SSBP2: variants seen among roughly 807,000 people sequenced by gnomAD.
The protein encoded by SSBP2 is single-stranded DNA-binding protein 2.
In SSBP2, 17 loss-of-function variants were observed where a neutral mutation model predicts 61.8. The observed-to-expected ratio is 0.28, with a 90% confidence interval of 0.19 to 0.41. The LOEUF (loss-of-function observed/expected upper bound fraction) is 0.41, where lower values mean the gene tolerates loss of function less well. Among genes scored for constraint, SSBP2 ranks in the 10% least tolerant of loss-of-function variants. SSBP2 has a pLI of 1.00. For synonymous variants in SSBP2, 139 were observed against 141.3 expected (o/e 0.98, Z 0.12); for missense variants, 310 against 458.7 (o/e 0.68, Z 2.96).
chr5:81,498,100 T>C (rs1464512327), intron 5 of SSBP2, among the ~76,000 whole-genome samples: 1 of 152,258 alleles, frequency 6.6e-6, no homozygotes, highest in East Asian at 1.9e-4. Context: ...CATATTTTAG[T>C]TGAAATATTT....
chr5:81,499,201 TATC>T (rs1258489849), intron 5 of SSBP2, among the ~76,000 whole-genome samples: 2 of 152,218 alleles, frequency 1.3e-5, no homozygotes, highest in African/African-American at 4.8e-5. Flanking sequence ...TTAGATATTC[TATC>T]ATCAACACTT....
intron 5 of SSBP2, among the ~76,000 whole-genome samples, chr5:81,490,506 A>T (rs1487591650): frequency 6.6e-6 from 1 of 152,140 alleles, no homozygotes; most frequent in Non-Finnish European, 1.5e-5. Context: ...GAATTAATTA[A>T]TATGAATTAA....
At chr5:81,494,654 C>T (rs1157505747) in intron 5 of SSBP2, among the ~76,000 whole-genome samples, 2 of 152,140 alleles carry the variant, frequency 1.3e-5, no homozygotes, top group East Asian at 3.9e-4. Flanking sequence ...ACTTCCCAGC[C>T]TTCAGAACTC....
At chr5:81,474,832 C>G (rs1310410245) in intron 6 of SSBP2, among the ~76,000 whole-genome samples, 2 of 152,066 alleles carry the variant, frequency 1.3e-5, no homozygotes, top group Non-Finnish European at 1.5e-5. Context: ...AAAAACTGTC[C>G]TATTTCTTCC....
intron 11 of SSBP2, among the ~76,000 whole-genome samples, chr5:81,447,187 T>C (rs1763458876): frequency 6.6e-6 from 1 of 152,310 alleles, no homozygotes; most frequent in South Asian, 2.1e-4. Flanking sequence ...TCAGTTATAA[T>C]GAGGTTAAGC....
chr5:81,594,622 C>G (rs1236441952), intron 4 of SSBP2, among the ~76,000 whole-genome samples: 1 of 152,200 alleles, frequency 6.6e-6, no homozygotes, highest in East Asian at 1.9e-4. Flanking sequence ...TGTAAAAGAA[C>G]AGAAACTATA....
chr5:81,593,141 C>A (rs533692656), intron 4 of SSBP2, among the ~76,000 whole-genome samples: 1 of 152,008 alleles, frequency 6.6e-6, no homozygotes, highest in Admixed American at 6.6e-5. Flanking sequence ...CAGAGAAGTC[C>A]TTAAAGGACC....
intron 4 of SSBP2, among the ~76,000 whole-genome samples, chr5:81,588,145 T>C (rs1201276878): frequency 3.3e-5 from 5 of 151,764 alleles, no homozygotes; most frequent in African/African-American, 7.3e-5. Flanking sequence ...TTAAAAAAAA[T>C]TGTAGAGATG....
intron 1 of SSBP2, among the ~76,000 whole-genome samples, chr5:81,692,265 GAAAAT>G (rs1294752065): frequency 6.6e-6 from 1 of 151,620 alleles, no homozygotes; most frequent in Non-Finnish European, 1.5e-5. Context: ...TATAATAACC[GAAAAT>G]AAAATAAAAT....
At chr5:81,537,520 G>A (rs1027630023) in intron 4 of SSBP2, among the ~76,000 whole-genome samples, 1 of 151,992 alleles carries the variant, frequency 6.6e-6, no homozygotes, top group African/African-American at 2.4e-5. Flanking sequence ...CAGATATTGT[G>A]GTTGTTTTTG....
chr5:81,538,993 T>G (rs1250463258), intron 4 of SSBP2, among the ~76,000 whole-genome samples: 1 of 152,238 alleles, frequency 6.6e-6, no homozygotes, highest in Non-Finnish European at 1.5e-5. Flanking sequence ...CAAGACTTAT[T>G]ATTTAAGAAA....
At chr5:81,539,597 T>C (rs1378556028) in intron 4 of SSBP2, among the ~76,000 whole-genome samples, 1 of 152,088 alleles carries the variant, frequency 6.6e-6, no homozygotes, top group African/African-American at 2.4e-5. Flanking sequence ...TTCATTGTTG[T>C]CTTATTTTAA....
At chr5:81,512,147 G>T (rs1768658986) in intron 5 of SSBP2, among the ~76,000 whole-genome samples, 2 of 152,108 alleles carry the variant, frequency 1.3e-5, no homozygotes, top group African/African-American at 4.8e-5. Flanking sequence ...AGAGAAAGAA[G>T]GGAATGAGGA....
At chr5:81,734,983 A>G in intron 1 of SSBP2, among the ~76,000 whole-genome samples, 1 of 151,632 alleles carries the variant, frequency 6.6e-6, no homozygotes, top group South Asian at 2.1e-4. Context: ...AAAAAAAAAA[A>G]AAAAAAAAAG....
At chr5:81,568,237 G>C (rs1237252124) in intron 4 of SSBP2, among the ~76,000 whole-genome samples, 1 of 152,162 alleles carries the variant, frequency 6.6e-6, no homozygotes, top group Non-Finnish European at 1.5e-5. Flanking sequence ...CCTGGTGGGA[G>C]ATAATTGAAT....
chr5:81,452,550 T>C (rs952297925), intron 10 of SSBP2, among the ~76,000 whole-genome samples: 3 of 152,202 alleles, frequency 2.0e-5, no homozygotes, highest in Non-Finnish European at 2.9e-5. Context: ...CTGATGAAGA[T>C]AAGCAAGAGT....
intron 4 of SSBP2, among the ~76,000 whole-genome samples, chr5:81,586,129 A>G (rs559756644): frequency 6.6e-6 from 1 of 152,340 alleles, no homozygotes; most frequent in South Asian, 2.1e-4. Flanking sequence ...TCTCTTTGAC[A>G]TACTTATTTC....
intron 4 of SSBP2, among the ~76,000 whole-genome samples, chr5:81,582,092 A>G (rs1005268430): frequency 6.6e-6 from 1 of 152,146 alleles, no homozygotes; most frequent in African/African-American, 2.4e-5. Context: ...CAGTTTGTCT[A>G]AGTATTAGAT....
At chr5:81,691,384 T>A (rs1237084120) in intron 1 of SSBP2, among the ~76,000 whole-genome samples, 1 of 151,830 alleles carries the variant, frequency 6.6e-6, no homozygotes, top group African/African-American at 2.4e-5. Context: ...GACATTACAA[T>A]TGTTACCACA....
Sources: gnomAD v4.1 joint callset for allele counts (sites outside exome capture counted in the v4.1 genomes callset) on GRCh38, gnomAD v4.1.1 for gene constraint, MANE v1.5 for transcripts, NCBI Gene and HGNC (gene_info 2026-07-23, HGNC 2026-07-21) for gene names.